ARHGAP6: variants seen among roughly 807,000 people sequenced by gnomAD.
ARHGAP6 encodes Rho GTPase activating protein 6.
Under a neutral mutation model 55.7 loss-of-function variants are expected in ARHGAP6, and 16 were observed. The ratio of observed to expected loss-of-function variants is 0.29; its 90% CI spans 0.19 to 0.44. The LOEUF (loss-of-function observed/expected upper bound fraction) is 0.44, where lower values mean the gene tolerates loss of function less well. Ranked by LOEUF, ARHGAP6 falls within the 20% of genes least tolerant of loss-of-function variation. ARHGAP6 has a pLI of 1.00. For synonymous variants in ARHGAP6, 382 were observed against 360.9 expected, an observed-to-expected ratio of 1.06 and a Z score of -0.66; for missense variants, 698 against 808.9, an observed-to-expected ratio of 0.86 and a Z score of 1.66.
chrX:11,658,037 C>T (rs1156256264), intron 1 of ARHGAP6, among the ~76,000 whole-genome samples: 2 of 111,902 alleles, frequency 1.8e-5, no homozygotes, highest in African/African-American at 3.3e-5. Context: ...TAAAAGCAGT[C>T]GTGGTCACTT....
At chrX:11,312,223 G>C (rs2147602437) in intron 1 of ARHGAP6, among the ~76,000 whole-genome samples, 1 of 112,065 alleles carries the variant, frequency 8.9e-6, no homozygotes, top group Non-Finnish European at 1.9e-5. Context: ...AAGTAGTTTA[G>C]TTCAGTAGAG....
chrX:11,185,889 T>C (rs756865108), intron 5 of ARHGAP6, among the ~76,000 whole-genome samples: 3 of 111,941 alleles, frequency 2.7e-5, no homozygotes, highest in African/African-American at 9.7e-5. Context: ...AGGCTACTTT[T>C]ATGTATAAAC....
At chrX:11,169,823 T>C (rs1032600179) in intron 8 of ARHGAP6, 139 bp from the exon 9 acceptor site, 2 of 431,894 alleles carry the variant, frequency 4.6e-6, no homozygotes, top group Non-Finnish European at 7.5e-6. Flanking sequence ...TCAGAATCCA[T>C]GGAGGGCATC....
intron 10 of ARHGAP6, chrX:11,148,655 G>C (rs765340147): frequency 2.7e-6 from 1 of 373,224 alleles, no homozygotes; most frequent in Admixed American, 2.5e-5. Flanking sequence ...CCAGGTCAGG[G>C]CGTAAACATG....
chrX:11,574,988 A>G (rs1215806041), intron 1 of ARHGAP6, among the ~76,000 whole-genome samples: 1 of 112,128 alleles, frequency 8.9e-6, no homozygotes, highest in East Asian at 2.8e-4. Flanking sequence ...CTGCATAGCA[A>G]CATTTTGAAG....
intron 1 of ARHGAP6, among the ~76,000 whole-genome samples, chrX:11,389,264 T>G (rs903112640): frequency 8.9e-6 from 1 of 112,171 alleles, no homozygotes; most frequent in Non-Finnish European, 1.9e-5. Flanking sequence ...AAATAATAAC[T>G]AATACTCTCT....
chrX:11,491,778 G>A (rs2050572080), intron 1 of ARHGAP6, among the ~76,000 whole-genome samples: 1 of 110,355 alleles, frequency 9.1e-6, no homozygotes, highest in South Asian at 3.8e-4. Flanking sequence ...AGATCCCTGA[G>A]GAATCGCCAC....
chrX:11,543,720 G>T (rs1349958819), intron 1 of ARHGAP6, among the ~76,000 whole-genome samples: 1 of 111,964 alleles, frequency 8.9e-6, no homozygotes, highest in Non-Finnish European at 1.9e-5. Flanking sequence ...AGCTGAGTTT[G>T]GACCCGAGAC....
rs1269925413 is a variant in ARHGAP6, at chrX:11,520,496, A to G, written c.588+143745T>C. Among the ~76,000 whole-genome samples the G allele has an allele frequency of 3.6e-5, 4 of 109,785 alleles. No individual in the cohort carries two copies. The East Asian group carries it at 1.2e-3, about 32-fold the overall frequency. On this transcript the variant is annotated intron_variant, in intron 1 of 12. Transcript: ENST00000337414. ...TCCCTACAAAGGACATGAACTCATC[A>G]GTTTTTATGACTGCATAGTATTCCA...
At chrX:11,515,424 G>A (rs1175792900) in intron 1 of ARHGAP6, among the ~76,000 whole-genome samples, 1 of 111,464 alleles carries the variant, frequency 9.0e-6, no homozygotes, top group African/African-American at 3.3e-5. Flanking sequence ...CATTATTTTG[G>A]TTTCATCAAA....
At chrX:11,174,592 T>TTCTTTCTTTCTTTC (rs1555964732) in intron 8 of ARHGAP6, among the ~76,000 whole-genome samples, 69 of 67,395 alleles carry the variant, frequency 1.0e-3, no homozygotes, top group South Asian at 2.5e-3. Context: ...CTTTCTTTCT[T>TTCTTTCTTTCTTTC]TTTCTTTCTT....
chrX:11,326,915 C>T (rs377636990), intron 1 of ARHGAP6, among the ~76,000 whole-genome samples: 6 of 111,200 alleles, frequency 5.4e-5, no homozygotes, highest in South Asian at 3.8e-4. Context: ...CATGGCAGAC[C>T]GCTTAGTTAA....
intron 2 of ARHGAP6, among the ~76,000 whole-genome samples, chrX:11,225,942 T>C (rs1419642233): frequency 9.0e-6 from 1 of 110,613 alleles, no homozygotes; most frequent in East Asian, 2.8e-4. Flanking sequence ...TTATAGTTTT[T>C]ACTTTTTTCA....
At chrX:11,390,758 A>C (rs1324588913) in intron 1 of ARHGAP6, among the ~76,000 whole-genome samples, 1 of 112,305 alleles carries the variant, frequency 8.9e-6, no homozygotes. Context: ...TCAAAACCAC[A>C]GTGAGATACC....
chrX:11,389,635 A>T (rs1413912390), intron 1 of ARHGAP6, among the ~76,000 whole-genome samples: 1 of 112,567 alleles, frequency 8.9e-6, no homozygotes, highest in Non-Finnish European at 1.9e-5. Flanking sequence ...TGTTTGCTAA[A>T]TTTTACATGT....
chrX:11,506,823 C>A (rs1052327602), intron 1 of ARHGAP6, among the ~76,000 whole-genome samples: 5 of 111,876 alleles, frequency 4.5e-5, no homozygotes, highest in African/African-American at 1.6e-4. Flanking sequence ...ACACTGTCTT[C>A]CACAATGGTT....
intron 1 of ARHGAP6, among the ~76,000 whole-genome samples, chrX:11,567,489 G>C (rs2051455933): frequency 9.6e-6 from 1 of 103,695 alleles, no homozygotes; most frequent in African/African-American, 3.6e-5. Flanking sequence ...GGGAGGTGGA[G>C]CTTGCAGTGA....
intron 1 of ARHGAP6, among the ~76,000 whole-genome samples, chrX:11,270,089 A>G (rs2047674424): frequency 8.9e-6 from 1 of 112,294 alleles, no homozygotes; most frequent in South Asian, 3.7e-4. Flanking sequence ...TCTATTTTGC[A>G]GATAAGAAAG....
Position 11,142,286 on chromosome X carries a change from C to A in ARHGAP6, c.2204G>T (p.Trp735Leu). Residue 735 changes from tryptophan to leucine, a missense_variant, in exon 12 of 13, where the codon TGG becomes TTG. By Grantham distance (61) the Trp-to-Leu change is moderately conservative. Around this residue, in one of 3 missense-constraint regions of ARHGAP6, gnomAD observed 322 missense variants for 451.1 expected, o/e 0.71. Coordinates refer to ENST00000337414, the MANE Select transcript of ARHGAP6 (RefSeq NM_013427.3). ...KDLSEEPFDIWGTWHSTLKSG... is the reference protein window; with the variant it reads ...KDLSEEPFDILGTWHSTLKSG... The stretch of plus-strand genomic sequence containing the variant: ...TTTTAATGTTGAATGCCAAGTTCCC[C>A]AGATATCGAAAGGCTCCTCTGACAG... 1 of 1,200,707 alleles carries A rather than the reference C, an allele frequency of 8.3e-7. No individual in the cohort carries two copies. Among genetic ancestry groups the A allele is most frequent in the Non-Finnish European group, 1.1e-6 (1 of 888,476 alleles).
Sources: allele counts gnomAD v4.1 joint callset (sites outside exome capture counted in the v4.1 genomes callset), GRCh38; gene constraint gnomAD v4.1.1; regional missense constraint gnomAD v4.1.1; transcripts MANE v1.5; gene names NCBI Gene and HGNC (gene_info 2026-07-23, HGNC 2026-07-21).